The following NIBAN1 variants were observed in gnomAD, a reference collection of about 807,000 sequenced individuals.
The protein encoded by NIBAN1 is protein Niban 1.
NIBAN1 carries 81 observed loss-of-function variants against 75.1 expected under a neutral mutation model. That is an observed-to-expected ratio of 1.08 (90% CI 0.90 to 1.30). The LOEUF (loss-of-function observed/expected upper bound fraction) is 1.30, where lower values mean the gene tolerates loss of function less well. Ranked by LOEUF, NIBAN1 falls within the 50% of genes most tolerant of loss-of-function variation. The pLI is 0.00. For synonymous variants in NIBAN1, 436 were observed against 424.8 expected (o/e 1.03, Z -0.32); for missense variants, 1,133 against 1,128.1 (o/e 1.00, Z -0.06).
rs553131130 is a variant in NIBAN1, at chr1:184,945,472, C to G, written c.55+28830G>C. On this transcript the variant is annotated intron_variant, in intron 1 of 13. Transcript: ENST00000367511. ...TGGATTCTGTCATCAGATTTCTTTA[C>G]AAGGTCTTGCCCAACTTAAAAGAAA... Among the ~76,000 whole-genome samples, 31 of 152,220 alleles carry G rather than the reference C, an allele frequency of 2.0e-4. 1 individual carries two copies. The South Asian group carries it at 6.0e-3, about 30-fold the overall frequency.
intron 1 of NIBAN1, among the ~76,000 whole-genome samples, chr1:184,932,919 CA>C (rs1557920044): frequency 6.6e-6 from 1 of 151,926 alleles, no homozygotes; most frequent in African/African-American, 2.4e-5. Flanking sequence ...ACCCTTCTGA[CA>C]AAAAAGAGAA....
At chr1:184,942,664 G>A (rs148959647) in intron 1 of NIBAN1, among the ~76,000 whole-genome samples, 2,171 of 149,594 alleles carry the variant, frequency 0.015, 45 homozygotes, top group African/African-American at 0.048. Flanking sequence ...ACTGCACTCC[G>A]GCCTGGGCGA....
At chr1:184,873,892 C>T (rs778807243) in intron 5 of NIBAN1, among the ~76,000 whole-genome samples, 21 of 152,098 alleles carry the variant, frequency 1.4e-4, no homozygotes, top group Non-Finnish European at 2.4e-4. Context: ...TCCTCCTCTA[C>T]AGTGGTAAAA....
intron 8 of NIBAN1, among the ~76,000 whole-genome samples, chr1:184,821,063 G>T (rs79145231): frequency 0.027 from 4,163 of 152,238 alleles, 149 homozygotes; most frequent in African/African-American, 0.084. Flanking sequence ...TTGTTCTACC[G>T]CTGGTAGGAA....
At chr1:184,796,449 T>C (rs1470978225) in intron 13 of NIBAN1, among the ~76,000 whole-genome samples, 1 of 152,196 alleles carries the variant, frequency 6.6e-6, no homozygotes, top group African/African-American at 2.4e-5. Context: ...GCTGCTAAGA[T>C]GGGTGGCTCC....
At chr1:184,816,081 G>C (rs899260259) in intron 9 of NIBAN1, among the ~76,000 whole-genome samples, 2 of 152,214 alleles carry the variant, frequency 1.3e-5, no homozygotes, top group South Asian at 2.1e-4. Flanking sequence ...AAATCCAGCT[G>C]TAGGGGATTA....
intron 1 of NIBAN1, among the ~76,000 whole-genome samples, chr1:184,922,505 T>C (rs1273243885): frequency 6.6e-6 from 1 of 152,238 alleles, no homozygotes; most frequent in East Asian, 1.9e-4. Flanking sequence ...AGGTCTCACT[T>C]TGGGCACCTT....
At chr1:184,892,067 G>A (rs1656682404) in intron 3 of NIBAN1, among the ~76,000 whole-genome samples, 2 of 152,184 alleles carry the variant, frequency 1.3e-5, no homozygotes. Flanking sequence ...ACCAACATTT[G>A]ATTCAAAATG....
chr1:184,926,698 T>G (rs989071809), intron 1 of NIBAN1, among the ~76,000 whole-genome samples: 2 of 152,196 alleles, frequency 1.3e-5, no homozygotes, highest in Non-Finnish European at 2.9e-5. Flanking sequence ...ACTTGAATAT[T>G]TATATATTTC....
intron 3 of NIBAN1, among the ~76,000 whole-genome samples, chr1:184,890,457 C>G (rs1431170174): frequency 6.6e-6 from 1 of 152,216 alleles, no homozygotes; most frequent in Non-Finnish European, 1.5e-5. Flanking sequence ...AGTCCCTAAT[C>G]TCAGGGAGAT....
At chr1:184,809,631 A>G (rs200984449) in intron 9 of NIBAN1, among the ~76,000 whole-genome samples, 1 of 144,468 alleles carries the variant, frequency 6.9e-6, no homozygotes, top group South Asian at 2.1e-4. Flanking sequence ...ACACATATAT[A>G]TGTGTGTGTG....
At chr1:184,946,880 C>A (rs1658238317) in intron 1 of NIBAN1, among the ~76,000 whole-genome samples, 1 of 152,000 alleles carries the variant, frequency 6.6e-6, no homozygotes, top group African/African-American at 2.4e-5. Context: ...TTGAGACCAG[C>A]CTGACCAACA....
chr1:184,800,872 C>G (rs1654020377), intron 12 of NIBAN1, among the ~76,000 whole-genome samples: 1 of 152,156 alleles, frequency 6.6e-6, no homozygotes, highest in African/African-American at 2.4e-5. Context: ...TTGGGAGACT[C>G]TGTAGTCAAG....
intron 5 of NIBAN1, among the ~76,000 whole-genome samples, chr1:184,881,014 C>T (rs1656362751): frequency 6.6e-6 from 1 of 152,062 alleles, no homozygotes; most frequent in African/African-American, 2.4e-5. Flanking sequence ...AAGGATTAAT[C>T]TTGTGGGATT....
At chr1:184,952,758 TTAA>T (rs1402520859) in intron 1 of NIBAN1, among the ~76,000 whole-genome samples, 1 of 152,078 alleles carries the variant, frequency 6.6e-6, no homozygotes, top group Non-Finnish European at 1.5e-5. Flanking sequence ...TTGAAAAGAC[TTAA>T]TCAATCAATT....
chr1:184,943,691 G>A (rs951387653), intron 1 of NIBAN1, among the ~76,000 whole-genome samples: 3 of 151,850 alleles, frequency 2.0e-5, no homozygotes, highest in African/African-American at 7.3e-5. Flanking sequence ...TAGTACCAAG[G>A]TTATCAAAGA....
intron 5 of NIBAN1, among the ~76,000 whole-genome samples, chr1:184,876,269 G>A (rs1190658937): frequency 2.6e-5 from 4 of 151,990 alleles, no homozygotes; most frequent in Non-Finnish European, 5.9e-5. Context: ...ACAGCTACAG[G>A]CACTACAGAG....
At chr1:184,802,559 A>G (rs1208651740) in intron 12 of NIBAN1, among the ~76,000 whole-genome samples, 2 of 152,216 alleles carry the variant, frequency 1.3e-5, no homozygotes, top group South Asian at 2.1e-4. Flanking sequence ...ATAAATGCCA[A>G]ATATATCTAA....
chr1:184,856,330 C>G (rs538650567), intron 5 of NIBAN1, among the ~76,000 whole-genome samples: 50 of 152,106 alleles, frequency 3.3e-4, no homozygotes, highest in African/African-American at 1.2e-3. Flanking sequence ...CAATCTTATT[C>G]ATATGGGTCT....
Sources: allele counts gnomAD v4.1 joint callset (sites outside exome capture counted in the v4.1 genomes callset), GRCh38; gene constraint gnomAD v4.1.1; transcripts MANE v1.5; gene names NCBI Gene and HGNC (gene_info 2026-07-23, HGNC 2026-07-21).